Variants in DOCK3 observed in about 807,000 individuals in gnomAD.
The protein encoded by DOCK3 is dedicator of cytokinesis 3.
A neutral mutation model predicts 265.6 loss-of-function variants in DOCK3; 60 were observed. That is an observed-to-expected ratio of 0.23 (90% CI 0.18 to 0.28). DOCK3 has a LOEUF of 0.28. Among genes scored for constraint, DOCK3 ranks in the 10% least tolerant of loss-of-function variants. The probability of loss-of-function intolerance (pLI) is 1.00; values close to 1 mark genes in which losing one functional copy is unlikely to be tolerated. For synonymous variants in DOCK3, 881 were observed against 938.0 expected, an observed-to-expected ratio of 0.94 and a Z score of 1.11; for missense variants, 1,981 against 2,594.3, an observed-to-expected ratio of 0.76 and a Z score of 5.14.
rs371921771 is a variant in DOCK3 at position 50,918,354 on chromosome 3, G to T, written c.219-15627G>T. On this transcript the variant is annotated intron_variant, in intron 4 of 52. Coordinates refer to ENST00000266037, the MANE Select transcript of DOCK3 (RefSeq NM_004947.5). ...CGCCACACTGTCTTCCATAATGGTT[G>T]AATTAGTTTACAGTCCCACCAACAG... Among the ~76,000 whole-genome samples the T allele has an allele frequency of 9.9e-5, 15 of 152,258 alleles. No homozygotes were observed. In the East Asian group the frequency reaches 1.2e-3, roughly 12 times the overall value.
chr3:50,714,177 T>G (rs2036953628), intron 1 of DOCK3, among the ~76,000 whole-genome samples: 1 of 152,126 alleles, frequency 6.6e-6, no homozygotes, highest in Non-Finnish European at 1.5e-5. Flanking sequence ...GCTTTCAATT[T>G]TGCTATTCTT....
chr3:51,081,852 C>T (rs563929305), intron 7 of DOCK3, among the ~76,000 whole-genome samples: 15 of 148,040 alleles, frequency 1.0e-4, no homozygotes, highest in Middle Eastern at 3.5e-3. Flanking sequence ...GCCTAGATCG[C>T]GCCACTGGAA....
At chr3:51,328,244 C>T (rs1179511295) in intron 32 of DOCK3, among the ~76,000 whole-genome samples, 1 of 152,154 alleles carries the variant, frequency 6.6e-6, no homozygotes, top group Non-Finnish European at 1.5e-5. Flanking sequence ...TCTGCTGCTC[C>T]AGGTCCCCTC....
At chr3:51,184,548 C>CAA (rs34361078) in intron 12 of DOCK3, among the ~76,000 whole-genome samples, 456 of 145,508 alleles carry the variant, frequency 3.1e-3, no homozygotes, top group African/African-American at 7.1e-3. Flanking sequence ...CAATTTTAGC[C>CAA]AAAAAAAAAA....
intron 1 of DOCK3, among the ~76,000 whole-genome samples, chr3:50,768,360 A>G (rs1321249217): frequency 6.6e-6 from 1 of 152,110 alleles, no homozygotes; most frequent in South Asian, 2.1e-4. Context: ...CCTGGCAGAG[A>G]CACAACAAAA....
chr3:51,039,049 G>A (rs1370763655), intron 5 of DOCK3, among the ~76,000 whole-genome samples: 1 of 152,008 alleles, frequency 6.6e-6, no homozygotes, highest in Non-Finnish European at 1.5e-5. Flanking sequence ...AGACTGGAAT[G>A]CAGTGGCACG....
chr3:50,953,686 C>T (rs557542383), intron 5 of DOCK3, among the ~76,000 whole-genome samples: 1 of 152,176 alleles, frequency 6.6e-6, no homozygotes, highest in Admixed American at 6.6e-5. Flanking sequence ...TGTTAACGTT[C>T]GTCTGACTAT....
chr3:50,918,728 G>A (rs2050269353), intron 4 of DOCK3, among the ~76,000 whole-genome samples: 1 of 152,112 alleles, frequency 6.6e-6, no homozygotes, highest in South Asian at 2.1e-4. Context: ...CACTCTGATG[G>A]TAGTTTCTTT....
At chr3:50,791,258 C>CTTTTTTTT (rs34015684) in intron 2 of DOCK3, among the ~76,000 whole-genome samples, 1 of 62,780 alleles carries the variant, frequency 1.6e-5, no homozygotes, top group Non-Finnish European at 3.0e-5. Context: ...TTAAATCTAT[C>CTTTTTTTT]TTTTTTTTTT....
At chr3:51,264,758 C>T (rs920035307) in intron 23 of DOCK3, among the ~76,000 whole-genome samples, 1 of 151,786 alleles carries the variant, frequency 6.6e-6, no homozygotes, top group Non-Finnish European at 1.5e-5. Flanking sequence ...ACCTGGGAGG[C>T]GGGGCTTGCA....
intron 1 of DOCK3, among the ~76,000 whole-genome samples, chr3:50,753,317 C>T (rs2039953262): frequency 6.6e-6 from 1 of 151,974 alleles, no homozygotes; most frequent in Non-Finnish European, 1.5e-5. Flanking sequence ...ATAGATATTG[C>T]CAAATACTGG....
At chr3:51,215,455 A>G (rs1294045640) in intron 14 of DOCK3, among the ~76,000 whole-genome samples, 1 of 152,162 alleles carries the variant, frequency 6.6e-6, no homozygotes, top group Non-Finnish European at 1.5e-5. Flanking sequence ...ATGCTTTGCT[A>G]AAAGCTTATT....
At position 50,804,732 on chromosome 3, in the gene DOCK3, A is replaced by G. The variant is rs9860659; in HGVS notation, c.121+25974A>G. Among the ~76,000 whole-genome samples, 493 of 147,524 alleles carry G rather than the reference A, an allele frequency of 3.3e-3. 4 individuals are homozygous for G. Among genetic ancestry groups the G allele is most frequent in the African/African-American group, 0.012 (475 of 39,856 alleles). ...TTGGCATCAGAGGGAGACCGTGGAGAGAGAGGGAGAGAGAGACCGTGGGGA... is the reference window on the plus strand; with the variant it reads ...TTGGCATCAGAGGGAGACCGTGGAGGGAGAGGGAGAGAGAGACCGTGGGGA... On this transcript the variant is annotated intron_variant, in intron 2 of 52. Transcript: ENST00000266037.
At chr3:50,922,823 A>G (rs1379888824) in intron 4 of DOCK3, among the ~76,000 whole-genome samples, 2 of 150,904 alleles carry the variant, frequency 1.3e-5, no homozygotes, top group South Asian at 4.2e-4. Context: ...GTTACATAAG[A>G]AAGTTCTCTA....
At chr3:50,853,955 C>G (rs1385478206) in intron 3 of DOCK3, among the ~76,000 whole-genome samples, 3 of 150,898 alleles carry the variant, frequency 2.0e-5, no homozygotes, top group Non-Finnish European at 1.5e-5. Flanking sequence ...TCCCTTTTCT[C>G]TGCGTCCTCG....
chr3:50,971,731 T>C (rs1459776013), intron 5 of DOCK3, among the ~76,000 whole-genome samples: 1 of 152,218 alleles, frequency 6.6e-6, no homozygotes, highest in Non-Finnish European at 1.5e-5. Flanking sequence ...CTCTGTTGCC[T>C]CAGGAACTGG....
At chr3:50,730,549 C>T (rs1490981157) in intron 1 of DOCK3, among the ~76,000 whole-genome samples, 4 of 152,076 alleles carry the variant, frequency 2.6e-5, no homozygotes, top group African/African-American at 9.7e-5. Context: ...TAAAATTGTC[C>T]AGGTGTGGTG....
intron 1 of DOCK3, among the ~76,000 whole-genome samples, chr3:50,713,566 A>C (rs948154584): frequency 1.3e-5 from 2 of 152,156 alleles, no homozygotes; most frequent in Non-Finnish European, 2.9e-5. Context: ...TCAGTGTTTC[A>C]AGTACAGTAA....
chr3:51,039,610 G>C (rs918831475), intron 5 of DOCK3, among the ~76,000 whole-genome samples: 1 of 151,978 alleles, frequency 6.6e-6, no homozygotes, highest in East Asian at 1.9e-4. Context: ...TTGTTATTCA[G>C]ATTTCTTTTT....
Sources: gnomAD v4.1 joint callset for allele counts (sites outside exome capture counted in the v4.1 genomes callset) on GRCh38, gnomAD v4.1.1 for gene constraint, MANE v1.5 for transcripts, NCBI Gene and HGNC (gene_info 2026-07-23, HGNC 2026-07-21) for gene names.